Variants in POLR3H observed in about 807,000 individuals in gnomAD.
POLR3H encodes the protein DNA-directed RNA polymerase III subunit RPC8.
A neutral mutation model predicts 25.5 loss-of-function variants in POLR3H; 17 were observed. The ratio of observed to expected loss-of-function variants is 0.67; its 90% CI spans 0.46 to 1.00. The LOEUF (loss-of-function observed/expected upper bound fraction) is 1.00. Among genes scored for constraint, POLR3H ranks in the 50% least tolerant of loss-of-function variants. The pLI is 0.00. For synonymous variants in POLR3H, 129 were observed against 103.0 expected (o/e 1.25, Z -1.53); for missense variants, 274 against 265.0 (o/e 1.03, Z -0.24).
Position 41,527,902 on chromosome 22 carries a change from G to A in POLR3H, c.*1381C>T, listed in dbSNP as rs762637616. On this transcript the variant is annotated 3_prime_UTR_variant, in exon 6 of 6. Transcript: ENST00000355209. ...GACCGAATGCCGCCTGCTTTCCAGA[G>A]ACCAACCTGAAGAAACAGGGCCTGC... 1 of 1,614,146 alleles carries A rather than the reference G, an allele frequency of 6.2e-7. No homozygotes were observed. Among genetic ancestry groups the A allele is most frequent in the Non-Finnish European group, 8.5e-7 (1 of 1,180,040 alleles).
intron 1 of POLR3H, among the ~76,000 whole-genome samples, chr22:41,543,112 A>G (rs2066955313): frequency 6.6e-6 from 1 of 152,174 alleles, no homozygotes; most frequent in Non-Finnish European, 1.5e-5. Context: ...CCTGCTCTCA[A>G]GGAGAGGGAA....
In POLR3H at chr22:41,544,103, C is replaced by T; in HGVS notation, c.-2G>A. ...CACCATTTCCACCAGGACGAACATC[C>T]CGGCCTGCGCTGGGGGCTCTGGGAA... is the stretch of plus-strand genomic sequence containing the variant. On this transcript the variant is annotated 5_prime_UTR_variant, in exon 1 of 6. Transcript: ENST00000355209. 2 of 1,601,082 alleles carry T rather than the reference C, an allele frequency of 1.2e-6. No homozygotes were observed. Among genetic ancestry groups the T allele is most frequent in the Non-Finnish European group, 1.7e-6 (2 of 1,168,666 alleles).
In POLR3H at chr22:41,528,942, T is replaced by C. The variant is rs1286916638; in HGVS notation, c.*341A>G. ...GGCTGAAGGATTCTAGAGAACCTTTTGTTCTTGCAAGGAAAACAAGAATCC... is the reference window on the plus strand; with the variant it reads ...GGCTGAAGGATTCTAGAGAACCTTTCGTTCTTGCAAGGAAAACAAGAATCC... On this transcript the variant is annotated 3_prime_UTR_variant, in exon 6 of 6. Coordinates refer to ENST00000355209, the MANE Select transcript of POLR3H (RefSeq NM_001018050.4). 1.6e-5 allele frequency: 8 copies of C among 512,936 alleles called. No homozygotes were observed. The highest frequency in any genetic ancestry group is 2.8e-5 in the Non-Finnish European group (8 of 290,420). 31.8% of individuals were successfully genotyped at this position (512,936 alleles called of 1,614,324 possible). A position where few individuals can be genotyped will look rare whatever the true frequency, so the allele number is the denominator to read the frequency against.
intron 2 of POLR3H, among the ~76,000 whole-genome samples, chr22:41,538,411 C>A (rs1026126374): frequency 6.6e-6 from 1 of 152,124 alleles, no homozygotes; most frequent in Non-Finnish European, 1.5e-5. Flanking sequence ...CAGAAGTGAG[C>A]CATCGTGCCT....
Position 41,527,246 on chromosome 22 carries a change from G to A in POLR3H, c.*2037C>T. ...GTAGGGCCAGACAGGTGAGGACGGT[G>A]CCCTCCTCTGCCTTATAACCTTACC... On this transcript the variant is annotated 3_prime_UTR_variant, in exon 6 of 6. Transcript: ENST00000355209. 2 of 1,613,226 alleles carry A rather than the reference G, an allele frequency of 1.2e-6. No individual in the cohort carries two copies. Among genetic ancestry groups the A allele is most frequent in the Non-Finnish European group, 1.7e-6 (2 of 1,179,894 alleles).
intron 2 of POLR3H, among the ~76,000 whole-genome samples, chr22:41,536,336 A>G (rs943897144): frequency 3.3e-5 from 5 of 151,318 alleles, no homozygotes; most frequent in Non-Finnish European, 5.9e-5. Context: ...CGGAGCTTGC[A>G]GTGAGCCGAG....
At chr22:41,530,112 T>C (rs1469248925) in intron 5 of POLR3H, among the ~76,000 whole-genome samples, 1 of 151,922 alleles carries the variant, frequency 6.6e-6, no homozygotes, top group East Asian at 1.9e-4. Context: ...TTGATTTCTT[T>C]CTCCCTCAAA....
chr22:41,528,386 T>C lies in POLR3H; in HGVS notation c.*897A>G. The C allele has an allele frequency of 6.5e-7, 1 of 1,532,890 alleles. No individual in the cohort carries two copies. Among genetic ancestry groups the C allele is most frequent in the Admixed American group, 1.9e-5 (1 of 52,876 alleles). The allele number at this position is 1,532,890 out of a possible 1,614,324, so 95.0% of individuals were successfully genotyped here. On this transcript the variant is annotated 3_prime_UTR_variant, in exon 6 of 6. Transcript: ENST00000355209. ...TTGGTTTGCCTGCTGACCTCTTAGG[T>C]CCCCAGGCAGTGCCCTGTCTCCCTG...
Position 41,530,786 on chromosome 22 carries a change from G to A in POLR3H, c.462C>T (p.Asp154=), listed in dbSNP as rs141347362. ...TGGGGGACGTGTCAACAAAGCTCTCGTCCACCACCCGGAAGCGGATCTCCT... is the reference window on the plus strand; with the variant it reads ...TGGGGGACGTGTCAACAAAGCTCTCATCCACCACCCGGAAGCGGATCTCCT... ...TGEEIRFRVV[D]ESFVDTSPTG... Residue 154 remains aspartate (D), a synonymous_variant, in exon 5 of 6, where the codon GAC becomes GAT. Coordinates refer to ENST00000355209, the MANE Select transcript of POLR3H (RefSeq NM_001018050.4). 6.2e-6 allele frequency: 10 copies of A among 1,614,114 alleles called. No homozygotes were observed. The highest frequency in any genetic ancestry group is 7.6e-6 in the Non-Finnish European group (9 of 1,180,048).
At position 41,526,996 on chromosome 22, in the gene POLR3H, C is replaced by T; in HGVS notation, c.*2287G>A. On this transcript the variant is annotated 3_prime_UTR_variant, in exon 6 of 6. Coordinates refer to ENST00000355209, the MANE Select transcript of POLR3H (RefSeq NM_001018050.4). ...GGGCCCGGAGGCCGTCCCTGTCTCACCCAACCTCCCTCCACACACACCTGC... is the reference window on the plus strand; with the variant it reads ...GGGCCCGGAGGCCGTCCCTGTCTCATCCAACCTCCCTCCACACACACCTGC... The T allele has an allele frequency of 2.0e-6, 1 of 498,424 alleles. No individual in the cohort carries two copies. The highest frequency in any genetic ancestry group is 3.6e-6 in the Non-Finnish European group (1 of 278,806). 30.9% of individuals were successfully genotyped at this position (498,424 alleles called of 1,614,324 possible).
chr22:41,526,343 A>G lies in POLR3H; in HGVS notation c.*2940T>C. 6.2e-7 allele frequency: 1 copy of G among 1,613,352 alleles called. No homozygotes were observed. The highest frequency in any genetic ancestry group is 8.5e-7 in the Non-Finnish European group (1 of 1,180,008). On this transcript the variant is annotated 3_prime_UTR_variant, in exon 6 of 6. Coordinates refer to ENST00000355209, the MANE Select transcript of POLR3H (RefSeq NM_001018050.4). ...CCGTGGGCACTTGGATAACATCTCC[A>G]ACAACCTGCTCATTGGTGCCATCAA...
At chr22:41,530,255 A>T (rs1008107584) in intron 5 of POLR3H, among the ~76,000 whole-genome samples, 2 of 152,044 alleles carry the variant, frequency 1.3e-5, no homozygotes, top group Non-Finnish European at 2.9e-5. Context: ...CTGGGACCAC[A>T]GGGCACGCCA....
intron 2 of POLR3H, chr22:41,533,409 C>T: frequency 3.5e-6 from 3 of 865,852 alleles, no homozygotes; most frequent in Non-Finnish European, 4.5e-6. Context: ...CGGCTGCCCC[C>T]TGCTGGTTAC....
At position 41,528,847 on chromosome 22, in the gene POLR3H, G is replaced by A. The variant is rs922038886; in HGVS notation, c.*436C>T. ...TGGTTCAGATCTTAAGCAGCTCCAT[G>A]CAACTGTATTTATTTTTGATGACAA... On this transcript the variant is annotated 3_prime_UTR_variant, in exon 6 of 6. Transcript: ENST00000355209. The A allele has an allele frequency of 3.6e-6, 2 of 562,464 alleles. No individual in the cohort carries two copies. The highest frequency in any genetic ancestry group is 3.8e-5 in the African/African-American group (2 of 52,222). 34.8% of individuals were successfully genotyped at this position (562,464 alleles called of 1,614,324 possible). A position where few individuals can be genotyped will look rare whatever the true frequency, so the allele number is the denominator to read the frequency against.
At chr22:41,543,762 A>G in intron 1 of POLR3H, 1 of 677,428 alleles carries the variant, frequency 1.5e-6, no homozygotes, top group South Asian at 1.5e-5. Context: ...CTGCAATTGC[A>G]AAGTAATTTA....
At position 41,527,249 on chromosome 22, in the gene POLR3H, C is replaced by T. The variant is rs1216791554; in HGVS notation, c.*2034G>A. The T allele has an allele frequency of 1.9e-6, 3 of 1,613,504 alleles. No homozygotes were observed. The highest frequency in any genetic ancestry group is 1.7e-4 in the Middle Eastern group (1 of 6,054). On this transcript the variant is annotated 3_prime_UTR_variant, in exon 6 of 6. Transcript: ENST00000355209. Reference sequence around the variant, plus strand: ...GGGCCAGACAGGTGAGGACGGTGCCCTCCTCTGCCTTATAACCTTACCCCC... The same window carrying T: ...GGGCCAGACAGGTGAGGACGGTGCCTTCCTCTGCCTTATAACCTTACCCCC...
intron 1 of POLR3H, among the ~76,000 whole-genome samples, chr22:41,543,502 T>A (rs1299242923): frequency 6.6e-6 from 1 of 151,984 alleles, no homozygotes; most frequent in Non-Finnish European, 1.5e-5. Context: ...CCTGTAGTTG[T>A]CCCAGCTACT....
At position 41,544,350 on chromosome 22, in the gene POLR3H, CCGCCACGCCA is replaced by C. The variant is rs1191533893; in HGVS notation, c.-259_-250del. 46 of 379,242 alleles carry C rather than the reference CCGCCACGCCA, an allele frequency of 1.2e-4. 1 individual carries two copies. The East Asian group carries it at 1.9e-3, about 15-fold the overall frequency. 23.5% of individuals were successfully genotyped at this position (379,242 alleles called of 1,614,324 possible). On this transcript the variant is annotated 5_prime_UTR_variant, in exon 1 of 6. Coordinates refer to ENST00000355209, the MANE Select transcript of POLR3H (RefSeq NM_001018050.4). ...GGGTGCGCGCCCGCGCCGCGAGACC[CCGCCACGCCA>C]CGCCACTCCACGCCACGCCACTCCA...
intron 3 of POLR3H, among the ~76,000 whole-genome samples, chr22:41,532,402 G>A (rs1180090411): frequency 2.6e-5 from 4 of 152,194 alleles, no homozygotes; most frequent in African/African-American, 9.7e-5. Context: ...GGGCCAGTGG[G>A]CGCTAAAGAC....
Sources: allele counts gnomAD v4.1 joint callset (sites outside exome capture counted in the v4.1 genomes callset), GRCh38; gene constraint gnomAD v4.1.1; transcripts MANE v1.5; gene names NCBI Gene and HGNC (gene_info 2026-07-23, HGNC 2026-07-21).